The following CACNA1C variants were observed in gnomAD, a reference collection of about 807,000 sequenced individuals.
CACNA1C encodes calcium voltage-gated channel subunit alpha1 C, also known as voltage-dependent L-type calcium channel subunit alpha-1C.
In CACNA1C, 30 loss-of-function variants were observed where a neutral mutation model predicts 229.0. The ratio of observed to expected loss-of-function variants is 0.13; its 90% CI spans 0.10 to 0.18. CACNA1C has a LOEUF of 0.18. CACNA1C is among the 10% of genes least tolerant of loss of function. The probability of loss-of-function intolerance (pLI) is 1.00; values close to 1 mark genes in which losing one functional copy is unlikely to be tolerated. For missense variants in CACNA1C, 1,658 were observed against 2,845.0 expected (o/e 0.58, Z 9.49); for synonymous variants, 1,114 against 1,132.5 (o/e 0.98, Z 0.33).
rs150880041 is a variant in CACNA1C at position 2,182,752 on chromosome 12, G to T, written c.477+62322G>T. ...ATCCCTGAGTCCAAGGTAGGGGAAA[G>T]AGGAAGTGGTCCACGATGACACTGT... On this transcript the variant is annotated intron_variant, in intron 3 of 46. Transcript: ENST00000399655. Among the ~76,000 whole-genome samples, 295 of 152,318 alleles carry T rather than the reference G, an allele frequency of 1.9e-3. 1 individual carries two copies. Among genetic ancestry groups the T allele is most frequent in the African/African-American group, 6.7e-3 (277 of 41,578 alleles).
chr12:2,587,705 G>A (rs1462412567), intron 18 of CACNA1C, among the ~76,000 whole-genome samples: 1 of 152,138 alleles, frequency 6.6e-6, no homozygotes, highest in African/African-American at 2.4e-5. Context: ...GGATGCTTAC[G>A]CTTTCCAGCT....
At chr12:2,330,757 T>A (rs1473609125) in intron 3 of CACNA1C, among the ~76,000 whole-genome samples, 1 of 152,226 alleles carries the variant, frequency 6.6e-6, no homozygotes, top group African/African-American at 2.4e-5. Context: ...ATATAATAAA[T>A]GGTGCTAGGA....
rs142687141 is a variant in CACNA1C, at chr12:2,038,000, C to T, written c.139+66799C>T. ...AGGTGAGGCTTCTCTTCGGGACCACCGACTCTATTTTCAATATTCTTTTCT... is the reference window on the plus strand; with the variant it reads ...AGGTGAGGCTTCTCTTCGGGACCACTGACTCTATTTTCAATATTCTTTTCT... On this transcript the variant is annotated intron_variant, in intron 1 of 46. Coordinates refer to the CACNA1C transcript ENST00000682462. 2.2e-3 allele frequency among the ~76,000 whole-genome samples: 334 copies of T among 152,140 alleles called. 1 individual carries two copies. The highest frequency in any genetic ancestry group is 3.4e-3 in the Non-Finnish European group (234 of 68,006).
intron 1 of CACNA1C, among the ~76,000 whole-genome samples, chr12:2,023,160 A>C (rs2906895): frequency 0.5 from 75,321 of 152,030 alleles, 19,176 homozygotes; most frequent in East Asian, 0.79. Flanking sequence ...GACAAATAGA[A>C]CACCTGCTTT....
At chr12:2,560,588 T>C (rs538697857) in intron 11 of CACNA1C, among the ~76,000 whole-genome samples, 1 of 152,124 alleles carries the variant, frequency 6.6e-6, no homozygotes, top group Non-Finnish European at 1.5e-5. Context: ...CCTGAAGGGA[T>C]TGATTACACA....
chr12:2,052,588 G>C (rs1162548518), upstream of CACNA1C, among the ~76,000 whole-genome samples: 6 of 145,484 alleles, frequency 4.1e-5, no homozygotes, highest in Non-Finnish European at 9.1e-5. Context: ...CGCCGCCGGC[G>C]GGGCGCGAGG....
chr12:1,980,562 C>T (rs2154464458), intron 1 of CACNA1C, among the ~76,000 whole-genome samples: 1 of 151,448 alleles, frequency 6.6e-6, no homozygotes, highest in African/African-American at 2.4e-5. Context: ...ATCTTAAGAA[C>T]AGAAGTTTTT....
At chr12:2,502,537 C>T (rs751756757) in intron 7 of CACNA1C, among the ~76,000 whole-genome samples, 1 of 152,216 alleles carries the variant, frequency 6.6e-6, no homozygotes, top group Non-Finnish European at 1.5e-5. Context: ...GCCAAGTGGG[C>T]ACACACTGGG....
intron 32 of CACNA1C, among the ~76,000 whole-genome samples, chr12:2,652,698 C>T (rs1329583094): frequency 6.6e-6 from 1 of 152,226 alleles, no homozygotes; most frequent in Non-Finnish European, 1.5e-5. Flanking sequence ...ACTGACCATC[C>T]AAGGCTCTCG....
intron 3 of CACNA1C, among the ~76,000 whole-genome samples, chr12:2,437,286 C>G: frequency 1.3e-5 from 2 of 152,170 alleles, no homozygotes; most frequent in Admixed American, 1.3e-4. Context: ...GCAGCCAGCA[C>G]ATGACTCAAA....
At chr12:2,374,678 C>T (rs1029101101) in intron 3 of CACNA1C, among the ~76,000 whole-genome samples, 18 of 152,226 alleles carry the variant, frequency 1.2e-4, no homozygotes, top group African/African-American at 4.1e-4. Context: ...AGCTCAGGGC[C>T]CCTTAGCCAT....
chr12:2,300,346 C>T (rs918131842), intron 3 of CACNA1C, among the ~76,000 whole-genome samples: 9 of 151,928 alleles, frequency 5.9e-5, no homozygotes, highest in African/African-American at 1.5e-4. Flanking sequence ...CCGGGCACGG[C>T]GGGCGGCTCA....
At chr12:2,532,199 G>A (rs1373421017) in intron 9 of CACNA1C, among the ~76,000 whole-genome samples, 1 of 152,170 alleles carries the variant, frequency 6.6e-6, no homozygotes, top group African/African-American at 2.4e-5. Flanking sequence ...TGTCCTCCCA[G>A]TGACTCTGAG....
chr12:2,674,238 G>A (rs893234006), intron 38 of CACNA1C, among the ~76,000 whole-genome samples: 6 of 152,238 alleles, frequency 3.9e-5, no homozygotes, highest in Non-Finnish European at 8.8e-5. Flanking sequence ...ACAAGGAAGA[G>A]CACTGAGTGC....
At chr12:2,213,296 G>C (rs568384199) in intron 3 of CACNA1C, among the ~76,000 whole-genome samples, 1 of 152,116 alleles carries the variant, frequency 6.6e-6, no homozygotes, top group African/African-American at 2.4e-5. Flanking sequence ...TTTTTACTTT[G>C]AGCTTTCTCT....
intron 1 of CACNA1C, among the ~76,000 whole-genome samples, chr12:2,061,682 C>G (rs934108934): frequency 3.3e-5 from 5 of 152,182 alleles, no homozygotes; most frequent in Admixed American, 2.6e-4. Context: ...GGCCTCAAGT[C>G]CAAAGCCACG....
intron 29 of CACNA1C, among the ~76,000 whole-genome samples, chr12:2,618,774 G>A (rs1242849420): frequency 6.6e-6 from 1 of 152,224 alleles, no homozygotes. Context: ...GGGGAAGTGG[G>A]ATGGCCAGGA....
chr12:2,462,942 TTG>T (rs1285699497), intron 5 of CACNA1C, among the ~76,000 whole-genome samples: 1 of 147,068 alleles, frequency 6.8e-6, no homozygotes, highest in Non-Finnish European at 1.5e-5. Context: ...AGACGGAGTC[TTG>T]CTCTGTCGCC....
At chr12:2,484,623 C>T (rs973073092) in intron 5 of CACNA1C, among the ~76,000 whole-genome samples, 3 of 152,108 alleles carry the variant, frequency 2.0e-5, no homozygotes, top group Admixed American at 1.3e-4. Flanking sequence ...CACTGAGGCC[C>T]GTCGAGACAC....
Sources: allele counts gnomAD v4.1 joint callset (sites outside exome capture counted in the v4.1 genomes callset), GRCh38; gene constraint gnomAD v4.1.1; transcripts MANE v1.5; gene names NCBI Gene and HGNC (gene_info 2026-07-23, HGNC 2026-07-21).